Variants in ANO10 observed in about 807,000 individuals in gnomAD.
The protein encoded by ANO10 is anoctamin 10.
ANO10 carries 77 observed loss-of-function variants against 74.7 expected under a neutral mutation model. The ratio of observed to expected loss-of-function variants is 1.03; its 90% CI spans 0.86 to 1.25. The LOEUF (loss-of-function observed/expected upper bound fraction) is 1.25. ANO10 is among the 50% of genes most tolerant of loss of function. The pLI is 0.00. For synonymous variants in ANO10, 279 were observed against 284.9 expected, an observed-to-expected ratio of 0.98 and a Z score of 0.21; for missense variants, 721 against 778.1, an observed-to-expected ratio of 0.93 and a Z score of 0.87.
At chr3:43,537,848 C>T (rs13092838) in intron 11 of ANO10, among the ~76,000 whole-genome samples, 33,773 of 151,952 alleles carry the variant, frequency 0.22, 4,289 homozygotes, top group Middle Eastern at 0.36. Context: ...CATCTGTAAG[C>T]ACCCTGGAGT....
At chr3:43,656,635 G>T (rs1237534449) in intron 1 of ANO10, among the ~76,000 whole-genome samples, 1 of 152,190 alleles carries the variant, frequency 6.6e-6, no homozygotes, top group Non-Finnish European at 1.5e-5. Flanking sequence ...GCACTGCTGG[G>T]GTACCCAGTA....
At chr3:43,639,963 A>G (rs1274539402) in intron 1 of ANO10, among the ~76,000 whole-genome samples, 1 of 152,148 alleles carries the variant, frequency 6.6e-6, no homozygotes, top group Non-Finnish European at 1.5e-5. Context: ...GAGTGTCGCT[A>G]GCCTAAGCAA....
At chr3:43,564,283 C>T (rs2080199499) in intron 8 of ANO10, among the ~76,000 whole-genome samples, 1 of 152,044 alleles carries the variant, frequency 6.6e-6, no homozygotes, top group Non-Finnish European at 1.5e-5. Flanking sequence ...ATCTGCCTGC[C>T]TCAGCCTCCT....
At chr3:43,428,795 G>GAA (rs1245373022) in intron 12 of ANO10, among the ~76,000 whole-genome samples, 1 of 3,418 alleles carries the variant, frequency 2.9e-4, no homozygotes, top group Non-Finnish European at 1.3e-3. Context: ...CTTTGTGAAT[G>GAA]CAAAAAAAAA....
chr3:43,635,965 G>A (rs187430213), intron 1 of ANO10, among the ~76,000 whole-genome samples: 4 of 151,834 alleles, frequency 2.6e-5, no homozygotes, highest in Admixed American at 2.6e-4. Flanking sequence ...TCAGACGTTA[G>A]CATTTTTATA....
At chr3:43,591,319 G>T (rs1181177786) in intron 4 of ANO10, among the ~76,000 whole-genome samples, 1 of 152,138 alleles carries the variant, frequency 6.6e-6, no homozygotes, top group East Asian at 1.9e-4. Context: ...CTAGAAGCTC[G>T]CCATTGTTCC....
chr3:43,572,115 A>G (rs2080760837), intron 7 of ANO10, among the ~76,000 whole-genome samples: 1 of 152,166 alleles, frequency 6.6e-6, no homozygotes, highest in Non-Finnish European at 1.5e-5. Context: ...AAGGCCTGAC[A>G]TTTCCCAACC....
At chr3:43,552,534 T>C (rs1278324467) in intron 10 of ANO10, among the ~76,000 whole-genome samples, 1 of 151,860 alleles carries the variant, frequency 6.6e-6, no homozygotes, top group Non-Finnish European at 1.5e-5. Flanking sequence ...ACCATGTTTT[T>C]TCTTCTACAG....
intron 4 of ANO10, among the ~76,000 whole-genome samples, chr3:43,595,897 A>T (rs551847834): frequency 1.3e-5 from 2 of 152,336 alleles, no homozygotes. Flanking sequence ...TTAAGCTGAT[A>T]AGCAACTTCA....
chr3:43,461,679 C>T (rs1266258784), intron 11 of ANO10, among the ~76,000 whole-genome samples: 1 of 152,214 alleles, frequency 6.6e-6, no homozygotes, highest in African/African-American at 2.4e-5. Flanking sequence ...TCCTTGCCTT[C>T]TGCCATGATC....
At chr3:43,494,256 C>G (rs1213010130) in intron 11 of ANO10, among the ~76,000 whole-genome samples, 2 of 152,118 alleles carry the variant, frequency 1.3e-5, no homozygotes, top group Admixed American at 1.3e-4. Context: ...GGGTTCGGGA[C>G]CAGCCTGGCC....
At chr3:43,634,537 C>T (rs2083586340) in intron 1 of ANO10, among the ~76,000 whole-genome samples, 1 of 152,006 alleles carries the variant, frequency 6.6e-6, no homozygotes, top group Non-Finnish European at 1.5e-5. Context: ...CATGTCTTCC[C>T]CCTACCTGAA....
At chr3:43,415,084 C>T (rs534307468) in intron 12 of ANO10, among the ~76,000 whole-genome samples, 42 of 148,390 alleles carry the variant, frequency 2.8e-4, no homozygotes, top group African/African-American at 9.9e-4. Flanking sequence ...AAGAGATTCT[C>T]GTTCCTGAGC....
Position 43,577,026 on chromosome 3 carries a change from G to A in ANO10, c.828C>T (p.Leu276=), listed in dbSNP as rs868729445. 2 of 1,614,080 alleles carry A rather than the reference G, an allele frequency of 1.2e-6. No individual in the cohort carries two copies. Among genetic ancestry groups the A allele is most frequent in the African/African-American group, 1.3e-5 (1 of 75,020 alleles). ...GGGGCTCCTCAAACTTTCTCTTCAT[G>A]AGCAGTGTCCCCCACCTGTAGGTCA... The part of the protein sequence containing the change: ...ANMTYRWGTL[L]MKRKFEEPRP... Residue 276 remains leucine, a synonymous_variant, in exon 6 of 13, where the codon CTC becomes CTT. Transcript: ENST00000292246.
chr3:43,411,073 T>C (rs372095988), intron 12 of ANO10, among the ~76,000 whole-genome samples: 6 of 152,052 alleles, frequency 3.9e-5, no homozygotes, highest in African/African-American at 9.7e-5. Flanking sequence ...TTTTTGTGCA[T>C]TGAAAACCAA....
chr3:43,504,416 C>A (rs1183735435), intron 11 of ANO10, among the ~76,000 whole-genome samples: 4 of 151,384 alleles, frequency 2.6e-5, no homozygotes, highest in Non-Finnish European at 5.9e-5. Context: ...AAATCAAAGG[C>A]AAAGGAAAAG....
At chr3:43,504,638 A>G (rs1045195618) in intron 11 of ANO10, among the ~76,000 whole-genome samples, 1 of 151,946 alleles carries the variant, frequency 6.6e-6, no homozygotes, top group Non-Finnish European at 1.5e-5. Flanking sequence ...TGACAGAAAT[A>G]ATTATTTATT....
intron 12 of ANO10, among the ~76,000 whole-genome samples, chr3:43,375,280 T>C (rs1055063073): frequency 6.6e-6 from 1 of 151,638 alleles, no homozygotes; most frequent in Non-Finnish European, 1.5e-5. Context: ...ACCCTGTCTC[T>C]ACTAAAAATA....
intron 1 of ANO10, chr3:43,637,843 T>C (rs2083630482): frequency 6.6e-6 from 1 of 152,174 alleles, no homozygotes; most frequent in Non-Finnish European, 1.5e-5. Flanking sequence ...AATCAGAAAG[T>C]TGTCATTTTC....
Sources: gnomAD v4.1 joint callset for allele counts (sites outside exome capture counted in the v4.1 genomes callset) on GRCh38, gnomAD v4.1.1 for gene constraint, MANE v1.5 for transcripts, NCBI Gene and HGNC (gene_info 2026-07-23, HGNC 2026-07-21) for gene names.